The following DPP10 variants were observed in gnomAD, a reference collection of about 807,000 sequenced individuals.
DPP10 encodes the protein inactive dipeptidyl peptidase 10.
DPP10 carries 33 observed loss-of-function variants against 120.9 expected under a neutral mutation model. That is an observed-to-expected ratio of 0.27 (90% CI 0.21 to 0.37). DPP10 has a LOEUF of 0.37. Among genes scored for constraint, DPP10 ranks in the 10% least tolerant of loss-of-function variants. The pLI is 1.00. For synonymous variants in DPP10, 337 were observed against 326.1 expected, an observed-to-expected ratio of 1.03 and a Z score of -0.36; for missense variants, 816 against 942.8, an observed-to-expected ratio of 0.87 and a Z score of 1.76.
chr2:115,745,098 C>T (rs1357736243), intron 9 of DPP10, among the ~76,000 whole-genome samples: 2 of 150,356 alleles, frequency 1.3e-5, no homozygotes, highest in Non-Finnish European at 2.9e-5. Flanking sequence ...AGTTCTCATT[C>T]CTGCCCCTTA....
At chr2:114,653,979 G>A (rs574468510) in intron 1 of DPP10, among the ~76,000 whole-genome samples, 24 of 152,158 alleles carry the variant, frequency 1.6e-4, no homozygotes, top group Admixed American at 7.9e-4. Flanking sequence ...GGCCTCCAGG[G>A]TTATTTCCAA....
chr2:114,649,469 C>A (rs999238134), intron 1 of DPP10, among the ~76,000 whole-genome samples: 1 of 151,840 alleles, frequency 6.6e-6, no homozygotes, highest in Non-Finnish European at 1.5e-5. Flanking sequence ...CTGCCTGATT[C>A]TCCCGAGTAG....
chr2:114,452,830 T>C (rs936600293), intron 1 of DPP10, among the ~76,000 whole-genome samples: 3 of 152,210 alleles, frequency 2.0e-5, no homozygotes, highest in Non-Finnish European at 4.4e-5. Flanking sequence ...GCTTTGTTTT[T>C]CTCAAACTAA....
At chr2:115,834,706 G>A (rs551107141) in intron 21 of DPP10, among the ~76,000 whole-genome samples, 2 of 152,136 alleles carry the variant, frequency 1.3e-5, no homozygotes, top group South Asian at 4.1e-4. Context: ...CCAAAACTTA[G>A]TTGTGTGGAA....
intron 4 of DPP10, 147 bp from the exon 5 acceptor site, chr2:115,525,751 A>G (rs1424209561): frequency 1.5e-5 from 9 of 600,364 alleles, no homozygotes; most frequent in Non-Finnish European, 2.3e-5. Context: ...ATAATCATAC[A>G]TACATACATG....
intron 7 of DPP10, among the ~76,000 whole-genome samples, chr2:115,723,492 T>TG (rs1468196815): frequency 6.6e-6 from 1 of 152,222 alleles, no homozygotes; most frequent in Non-Finnish European, 1.5e-5. Context: ...TCGATTATGA[T>TG]GAGTTTTCAT....
intron 2 of DPP10, among the ~76,000 whole-genome samples, chr2:115,338,343 AAT>A (rs2063269508): frequency 6.6e-6 from 1 of 152,166 alleles, no homozygotes. Flanking sequence ...AAAGGAGAAA[AAT>A]ATGTTTATAT....
chr2:114,530,294 T>C (rs1012588482), intron 1 of DPP10, among the ~76,000 whole-genome samples: 1 of 152,172 alleles, frequency 6.6e-6, no homozygotes, highest in African/African-American at 2.4e-5. Flanking sequence ...TTGTGGCAAA[T>C]GATTATCATT....
At chr2:115,612,250 G>T (rs2084161696) in intron 5 of DPP10, among the ~76,000 whole-genome samples, 1 of 152,066 alleles carries the variant, frequency 6.6e-6, no homozygotes, top group Non-Finnish European at 1.5e-5. Context: ...TTTCCAAAAA[G>T]AATCTATGAG....
chr2:115,279,652 C>CTTTTTT (rs1244784112), intron 1 of DPP10, among the ~76,000 whole-genome samples: 4 of 35,252 alleles, frequency 1.1e-4, no homozygotes, highest in African/African-American at 1.0e-4. Flanking sequence ...TTTTTTTCTT[C>CTTTTTT]TTCTTTTTTT....
chr2:115,013,460 T>C (rs1009321572), intron 1 of DPP10, among the ~76,000 whole-genome samples: 7 of 151,900 alleles, frequency 4.6e-5, no homozygotes, highest in Admixed American at 2.6e-4. Flanking sequence ...GTGAATCTGA[T>C]GGTTATGTGT....
chr2:115,564,793 A>G (rs2080897500), intron 5 of DPP10, among the ~76,000 whole-genome samples: 1 of 152,342 alleles, frequency 6.6e-6, no homozygotes, highest in African/African-American at 2.4e-5. Context: ...TGCCAAATTT[A>G]ACTGGCAATT....
chr2:115,257,045 C>T (rs1481943028), intron 1 of DPP10, among the ~76,000 whole-genome samples: 1 of 152,210 alleles, frequency 6.6e-6, no homozygotes, highest in African/African-American at 2.4e-5. Flanking sequence ...CAGTAGGTGC[C>T]TTACTTCCAT....
intron 1 of DPP10, 92 bp from the exon 2 acceptor site, chr2:115,309,147 C>A: frequency 1.1e-6 from 1 of 936,618 alleles, no homozygotes; most frequent in Non-Finnish European, 1.6e-6. Flanking sequence ...AGCTTTCAAA[C>A]TGTGATTGTG....
intron 1 of DPP10, among the ~76,000 whole-genome samples, chr2:114,741,729 A>G (rs1423347794): frequency 2.0e-5 from 3 of 152,152 alleles, no homozygotes; most frequent in African/African-American, 7.2e-5. Flanking sequence ...TGAACATAGA[A>G]ACACACAGGG....
At chr2:115,814,709 T>A (rs560118832) in intron 19 of DPP10, 84 bp from the exon 20 acceptor site, 1 of 1,127,678 alleles carries the variant, frequency 8.9e-7, no homozygotes, top group South Asian at 2.6e-5. Context: ...TCTTTCCCAT[T>A]ACTTAACTTG....
chr2:115,226,836 G>T (rs767001823), intron 1 of DPP10, among the ~76,000 whole-genome samples: 1 of 152,104 alleles, frequency 6.6e-6, no homozygotes, highest in African/African-American at 2.4e-5. Context: ...CAGATTTTGC[G>T]TGTTGTTAAG....
chr2:115,288,890 A>T (rs2060520327), intron 1 of DPP10, among the ~76,000 whole-genome samples: 1 of 151,984 alleles, frequency 6.6e-6, no homozygotes, highest in African/African-American at 2.4e-5. Context: ...GACTAAGACA[A>T]GGATGCTCTC....
At chr2:115,290,765 T>C (rs2060619186) in intron 1 of DPP10, among the ~76,000 whole-genome samples, 2 of 152,138 alleles carry the variant, frequency 1.3e-5, no homozygotes, top group Admixed American at 6.5e-5. Context: ...TCAATAATCA[T>C]GCACTTGCAA....
Sources: allele counts gnomAD v4.1 joint callset (sites outside exome capture counted in the v4.1 genomes callset), GRCh38; gene constraint gnomAD v4.1.1; transcripts MANE v1.5; gene names NCBI Gene and HGNC (gene_info 2026-07-23, HGNC 2026-07-21).